The following FRS2 variants were observed in gnomAD, a reference collection of about 807,000 sequenced individuals.
FRS2 encodes fibroblast growth factor receptor substrate 2, also known as FGFR signalling adaptor.
FRS2 carries 8 observed loss-of-function variants against 43.9 expected under a neutral mutation model. That is an observed-to-expected ratio of 0.18 (90% CI 0.11 to 0.33). The LOEUF (loss-of-function observed/expected upper bound fraction) is 0.33. FRS2 is among the 10% of genes least tolerant of loss of function. The pLI is 1.00. For synonymous variants in FRS2, 219 were observed against 220.3 expected (o/e 0.99, Z 0.05); for missense variants, 534 against 627.6 (o/e 0.85, Z 1.59).
intron 1 of FRS2, among the ~76,000 whole-genome samples, chr12:69,525,384 T>C (rs975981037): frequency 6.6e-6 from 1 of 152,120 alleles, no homozygotes; most frequent in African/African-American, 2.4e-5. Context: ...ATGATAAAGT[T>C]TCAAGAAACA....
chr12:69,503,471 G>A (rs1461689020), intron 1 of FRS2, among the ~76,000 whole-genome samples: 1 of 152,146 alleles, frequency 6.6e-6, no homozygotes, highest in Non-Finnish European at 1.5e-5. Flanking sequence ...ATGGAGCAGG[G>A]ATTTTGGATC....
In FRS2 at chr12:69,575,871, G is replaced by A. The variant is rs1881157918; in HGVS notation, c.*916G>A. The A allele has an allele frequency of 6.6e-6, 1 of 152,492 alleles. No homozygotes were observed. The highest frequency in any genetic ancestry group is 1.5e-5 in the Non-Finnish European group (1 of 68,014). The allele number at this position is 152,492 out of a possible 1,614,324, so 9.4% of individuals were successfully genotyped here. A position where few individuals can be genotyped will look rare whatever the true frequency, so the allele number is the denominator to read the frequency against. ...GTCCTTTTCAATTTAAAATGTTTGA[G>A]TTTGTATATAGTTTTGAAATTGGAT... On this transcript the variant is annotated 3_prime_UTR_variant, in exon 9 of 9. Coordinates refer to ENST00000549921, the MANE Select transcript of FRS2 (RefSeq NM_001278356.2).
At chr12:69,522,190 TTG>T (rs201103216) in intron 1 of FRS2, among the ~76,000 whole-genome samples, 12,418 of 134,584 alleles carry the variant, frequency 0.092, 551 homozygotes, top group South Asian at 0.14. Context: ...GAAGTTTTCT[TTG>T]TGTGTGTGTG....
At chr12:69,562,047 CT>C in intron 3 of FRS2, 132 bp from the exon 4 acceptor site, 1 of 387,268 alleles carries the variant, frequency 2.6e-6, no homozygotes, top group Non-Finnish European at 4.6e-6. Flanking sequence ...ATGTTAAATA[CT>C]TTTTATTCAA....
intron 1 of FRS2, among the ~76,000 whole-genome samples, chr12:69,525,964 A>AT (rs1256800390): frequency 1.3e-5 from 2 of 152,026 alleles, no homozygotes; most frequent in African/African-American, 4.8e-5. Context: ...GGTTCAAGCG[A>AT]TTCTCCTGCC....
intron 1 of FRS2, among the ~76,000 whole-genome samples, chr12:69,476,753 C>CGGGGGGGGAGGGGGGGG (rs1870812294): frequency 1.2e-5 from 1 of 80,110 alleles, no homozygotes; most frequent in African/African-American, 4.7e-5. Context: ...GGGGGAGGGA[C>CGGGGGGGGAGGGGGGGG]GGGGGGGGGT....
In FRS2 at chr12:69,470,419, C is replaced by T. The variant is rs936427148; in HGVS notation, c.-372C>T. ...TCGGGCCGGAGAGAGGCCTTGTAGG[C>T]ACAGCGGCTGAGACTCGATCTGCTC... is the stretch of plus-strand genomic sequence containing the variant. On this transcript the variant is annotated 5_prime_UTR_variant, in exon 1 of 9. Transcript: ENST00000549921. 5.0e-6 allele frequency: 2 copies of T among 398,632 alleles called. No individual in the cohort carries two copies. Among genetic ancestry groups the T allele is most frequent in the Admixed American group, 4.4e-5 (1 of 22,740 alleles). The allele number at this position is 398,632 out of a possible 1,614,324, so 24.7% of individuals were successfully genotyped here. A position where few individuals can be genotyped will look rare whatever the true frequency, so the allele number is the denominator to read the frequency against.
At chr12:69,553,747 C>T (rs905065171) in intron 3 of FRS2, among the ~76,000 whole-genome samples, 3 of 152,056 alleles carry the variant, frequency 2.0e-5, no homozygotes, top group East Asian at 1.9e-4. Context: ...AAGGAATGGG[C>T]GTAGGTGGTA....
intron 1 of FRS2, among the ~76,000 whole-genome samples, chr12:69,499,557 C>A (rs1048493381): frequency 2.0e-5 from 3 of 152,076 alleles, no homozygotes; most frequent in African/African-American, 7.2e-5. Context: ...TTGGAGAAAG[C>A]ATCCACAAGG....
chr12:69,557,619 T>TGTGCGCGTGC (rs1555192498), intron 3 of FRS2, among the ~76,000 whole-genome samples: 1 of 118,966 alleles, frequency 8.4e-6, no homozygotes, highest in African/African-American at 2.8e-5. Flanking sequence ...TGTGTGTGTG[T>TGTGCGCGTGC]GCGCGCGCGC....
chr12:69,543,800 G>A (rs1878126813), intron 3 of FRS2, among the ~76,000 whole-genome samples: 1 of 152,166 alleles, frequency 6.6e-6, no homozygotes, highest in African/African-American at 2.4e-5. Flanking sequence ...TCTAGAAACA[G>A]CAAGGAGGCC....
intron 1 of FRS2, among the ~76,000 whole-genome samples, chr12:69,515,669 A>G (rs1874932038): frequency 6.6e-6 from 1 of 152,106 alleles, no homozygotes; most frequent in South Asian, 2.1e-4. Context: ...ATGCACACAC[A>G]TTACCCTGAA....
intron 3 of FRS2, among the ~76,000 whole-genome samples, chr12:69,552,156 T>C (rs1453053922): frequency 1.3e-5 from 2 of 151,306 alleles, no homozygotes; most frequent in Admixed American, 6.6e-5. Context: ...TACAAAATTA[T>C]CCGGGCATGG....
chr12:69,546,608 G>T (rs576935067), intron 3 of FRS2, among the ~76,000 whole-genome samples: 1 of 152,038 alleles, frequency 6.6e-6, no homozygotes, highest in South Asian at 2.1e-4. Context: ...GTCCAGGCTG[G>T]TCTTGAACTC....
intron 1 of FRS2, among the ~76,000 whole-genome samples, chr12:69,472,834 T>C (rs1284065139): frequency 6.6e-6 from 1 of 152,244 alleles, no homozygotes; most frequent in Non-Finnish European, 1.5e-5. Flanking sequence ...ACTAACAATT[T>C]TTTTTGTAAT....
At chr12:69,497,840 G>A (rs991797527) in intron 1 of FRS2, among the ~76,000 whole-genome samples, 2 of 152,168 alleles carry the variant, frequency 1.3e-5, no homozygotes, top group Non-Finnish European at 2.9e-5. Context: ...ACTTTTACTT[G>A]GGTGAGATAG....
intron 3 of FRS2, among the ~76,000 whole-genome samples, chr12:69,538,951 A>G (rs1877606913): frequency 6.6e-6 from 1 of 152,210 alleles, no homozygotes. Context: ...CCTAGATGCC[A>G]TGACACCCCG....
intron 1 of FRS2, among the ~76,000 whole-genome samples, chr12:69,509,427 T>TG (rs1644897472): frequency 6.6e-6 from 1 of 152,248 alleles, no homozygotes; most frequent in Non-Finnish European, 1.5e-5. Flanking sequence ...CTGCTTTTTT[T>TG]GTTAAATTGT....
At chr12:69,471,042 C>T (rs778312054) in intron 1 of FRS2, among the ~76,000 whole-genome samples, 4 of 152,102 alleles carry the variant, frequency 2.6e-5, no homozygotes, top group Non-Finnish European at 4.4e-5. Context: ...TTTTGCAGGG[C>T]TTTTCATCCA....
Sources: gnomAD v4.1 joint callset for allele counts (sites outside exome capture counted in the v4.1 genomes callset) on GRCh38, gnomAD v4.1.1 for gene constraint, MANE v1.5 for transcripts, NCBI Gene and HGNC (gene_info 2026-07-23, HGNC 2026-07-21) for gene names.